Variants in FAM117A observed in about 807,000 individuals in gnomAD.
FAM117A encodes the protein family with sequence similarity 117 member A.
A neutral mutation model predicts 44.1 loss-of-function variants in FAM117A; 21 were observed. The observed-to-expected ratio is 0.48, with a 90% CI of 0.34 to 0.69. FAM117A has a LOEUF of 0.69. Among genes scored for constraint, FAM117A ranks in the 30% least tolerant of loss-of-function variants. The probability of loss-of-function intolerance (pLI) is 0.01; values close to 1 mark genes in which losing one functional copy is unlikely to be tolerated. For synonymous variants in FAM117A, 220 were observed against 238.3 expected, an observed-to-expected ratio of 0.92 and a Z score of 0.71; for missense variants, 498 against 589.9, an observed-to-expected ratio of 0.84 and a Z score of 1.61.
chr17:49,711,614 C>G, intron 7 of FAM117A, 59 bp from the exon 8 acceptor site: 1 of 1,516,816 alleles, frequency 6.6e-7, no homozygotes, highest in Non-Finnish European at 9.1e-7. Context: ...AAACAGACAG[C>G]GAGAGAGGGT....
chr17:49,779,948 A>G (rs2073785006), intron 1 of FAM117A, among the ~76,000 whole-genome samples: 1 of 152,254 alleles, frequency 6.6e-6, no homozygotes, highest in Admixed American at 6.5e-5. Context: ...TAATTTCCAG[A>G]CTAGCAAGAA....
At chr17:49,720,284 T>C (rs542747836) in intron 4 of FAM117A, 42 bp downstream of exon 4, 3 of 1,515,698 alleles carry the variant, frequency 2.0e-6, no homozygotes, top group East Asian at 2.3e-5. Flanking sequence ...GGGGCCTGCA[T>C]GGAGGAGAAC....
At chr17:49,732,999 A>T in intron 1 of FAM117A, 3 of 370,130 alleles carry the variant, frequency 8.1e-6, no homozygotes, top group Admixed American at 3.7e-5. Flanking sequence ...TCCTGCTCCT[A>T]ATGGACTATG....
At chr17:49,752,201 C>A (rs2073680432) in intron 1 of FAM117A, among the ~76,000 whole-genome samples, 1 of 152,126 alleles carries the variant, frequency 6.6e-6, no homozygotes, top group South Asian at 2.1e-4. Flanking sequence ...GATACATAGT[C>A]CCTAGATGGA....
upstream of FAM117A, among the ~76,000 whole-genome samples, chr17:49,769,010 T>C (rs1360371189): frequency 6.6e-6 from 1 of 152,164 alleles, no homozygotes; most frequent in East Asian, 1.9e-4. Context: ...AAATGAAGAT[T>C]CTTGGCTGGG....
intron 1 of FAM117A, 113 bp from the exon 2 acceptor site, chr17:49,732,833 C>T: frequency 8.9e-7 from 1 of 1,122,048 alleles, no homozygotes; most frequent in Non-Finnish European, 1.3e-6. Context: ...CACTCATATC[C>T]ACCACTGTCC....
upstream of FAM117A, among the ~76,000 whole-genome samples, chr17:49,764,521 A>C (rs574646918): frequency 2.3e-3 from 348 of 152,310 alleles, 3 homozygotes; most frequent in African/African-American, 8.1e-3. Flanking sequence ...GTTGGAGTCA[A>C]ACACTAGTGA....
intron 3 of FAM117A, among the ~76,000 whole-genome samples, chr17:49,722,087 T>C (rs945299746): frequency 3.3e-5 from 5 of 152,140 alleles, no homozygotes; most frequent in African/African-American, 1.2e-4. Context: ...CAGTAGAGAC[T>C]CTGTTTCCAA....
At chr17:49,714,401 G>A (rs2073492494) in intron 7 of FAM117A, among the ~76,000 whole-genome samples, 2 of 150,058 alleles carry the variant, frequency 1.3e-5, no homozygotes, top group Admixed American at 6.6e-5. Context: ...GTAGTGGTGC[G>A]ATCTCAGCTC....
chr17:49,764,028 C>T lies in FAM117A; in HGVS notation c.60G>A (p.Gly20=). 1.7e-6 allele frequency: 2 copies of T among 1,196,772 alleles called. No homozygotes were observed. Among genetic ancestry groups the T allele is most frequent in the Non-Finnish European group, 1.0e-6 (1 of 959,626 alleles). 74.1% of individuals were successfully genotyped at this position (1,196,772 alleles called of 1,614,324 possible). A position where few individuals can be genotyped will look rare whatever the true frequency, so the allele number is the denominator to read the frequency against. Reference sequence around the variant, plus strand: ...AGCAGCCCCGCCGGAGCCCCCCGGCCCCTCCGCGCCCCGGCCCCCAGGCAC... The same window carrying T: ...AGCAGCCCCGCCGGAGCCCCCCGGCTCCTCCGCGCCCCGGCCCCCAGGCAC... ...GGGAWGPGRG[G]AGGLRRGCSP... The change falls in exon 1 of 8, where the codon GGG becomes GGA. Residue 20 remains glycine (G), a synonymous_variant. Transcript: ENST00000240364.
intron 5 of FAM117A, 78 bp from the exon 6 acceptor site, chr17:49,717,792 T>G: frequency 2.8e-4 from 334 of 1,178,424 alleles, no homozygotes; most frequent in Non-Finnish European, 3.7e-4. Flanking sequence ...CAAGGGTATT[T>G]CCCTTGCTGC....
intron 1 of FAM117A, among the ~76,000 whole-genome samples, chr17:49,781,630 T>C (rs1426870082): frequency 6.6e-6 from 1 of 152,162 alleles, no homozygotes; most frequent in East Asian, 1.9e-4. Flanking sequence ...TGAGTATAGT[T>C]ACAATTATGA....
chr17:49,712,564 G>A (rs560497653), intron 7 of FAM117A, among the ~76,000 whole-genome samples: 4 of 152,026 alleles, frequency 2.6e-5, no homozygotes, highest in Admixed American at 6.6e-5. Context: ...GCTGGAGTGC[G>A]GTGTGGCAGG....
Position 49,711,014 on chromosome 17 carries a change from G to T in FAM117A, c.*241C>A. On this transcript the variant is annotated 3_prime_UTR_variant, in exon 8 of 8. Coordinates refer to ENST00000240364, the MANE Select transcript of FAM117A (RefSeq NM_030802.4). ...TGTTTTCCACCAAGTGAGGGATGTGGCAGGTACACAGGTGTGAATTGTGAG... is the reference window on the plus strand; with the variant it reads ...TGTTTTCCACCAAGTGAGGGATGTGTCAGGTACACAGGTGTGAATTGTGAG... 2 of 419,176 alleles carry T rather than the reference G, an allele frequency of 4.8e-6. No individual in the cohort carries two copies. The highest frequency in any genetic ancestry group is 8.5e-6 in the Non-Finnish European group (2 of 235,694). 26.0% of individuals were successfully genotyped at this position (419,176 alleles called of 1,614,324 possible). A position where few individuals can be genotyped will look rare whatever the true frequency, so the allele number is the denominator to read the frequency against.
At chr17:49,740,756 A>C (rs1234832609) in intron 1 of FAM117A, among the ~76,000 whole-genome samples, 7 of 152,154 alleles carry the variant, frequency 4.6e-5, no homozygotes. Flanking sequence ...TGCTATTCCC[A>C]ATATCCCTTG....
chr17:49,722,812 C>T (rs1013678031), intron 2 of FAM117A, among the ~76,000 whole-genome samples: 1 of 152,186 alleles, frequency 6.6e-6, no homozygotes, highest in Non-Finnish European at 1.5e-5. Flanking sequence ...GATGACCCAA[C>T]AGGGCCAACC....
Position 49,711,410 on chromosome 17 carries a change from A to C in FAM117A, c.1207T>G (p.Ser403Ala). 6.2e-7 allele frequency: 1 copy of C among 1,613,262 alleles called. No homozygotes were observed. The highest frequency in any genetic ancestry group is 8.5e-7 in the Non-Finnish European group (1 of 1,179,718). The stretch of plus-strand genomic sequence containing the variant: ...GGGGGAAGGGGAGATCCCGGGTTTG[A>C]GGGGCAGTTACGGAAGATGAAGCCC... Reference protein sequence around the residue: ...GMGFIFRNCPSNPGSPLPPAS... With the variant: ...GMGFIFRNCPANPGSPLPPAS... Residue 403 changes from serine (S) to alanine (A), a missense_variant, in exon 8 of 8, where the codon TCA (serine) becomes GCA (alanine). Physicochemically the swap from Ser to Ala is moderately conservative, Grantham distance 99 (BLOSUM62 1). Transcript: ENST00000240364.
At chr17:49,742,035 C>G (rs1055417046) in intron 1 of FAM117A, among the ~76,000 whole-genome samples, 2 of 152,206 alleles carry the variant, frequency 1.3e-5, no homozygotes, top group African/African-American at 4.8e-5. Context: ...CAATAGCTAT[C>G]CTTAACAGGT....
intron 2 of FAM117A, among the ~76,000 whole-genome samples, chr17:49,731,989 T>A (rs929972779): frequency 1.3e-5 from 2 of 152,166 alleles, no homozygotes; most frequent in Non-Finnish European, 2.9e-5. Flanking sequence ...TTTCACCATG[T>A]TAGCCAGGCT....
Sources: gnomAD v4.1 joint callset for allele counts (sites outside exome capture counted in the v4.1 genomes callset) on GRCh38, gnomAD v4.1.1 for gene constraint, MANE v1.5 for transcripts, NCBI Gene and HGNC (gene_info 2026-07-23, HGNC 2026-07-21) for gene names.